The following DLG5 variants were observed in gnomAD, a reference collection of about 807,000 sequenced individuals.
The protein encoded by DLG5 is discs large MAGUK scaffold protein 5, also known as disks large homolog 5.
DLG5 carries 48 observed loss-of-function variants against 189.8 expected under a neutral mutation model. The ratio of observed to expected loss-of-function variants is 0.25; its 90% CI spans 0.20 to 0.32. DLG5 has a LOEUF of 0.32. Among genes scored for constraint, DLG5 ranks in the 10% least tolerant of loss-of-function variants. DLG5 has a pLI of 1.00. For missense variants in DLG5, 2,160 were observed against 2,544.7 expected (o/e 0.85, Z 3.25); for synonymous variants, 1,016 against 1,054.1 (o/e 0.96, Z 0.70).
chr10:77,878,302 C>T (rs1232316760), intron 1 of DLG5, among the ~76,000 whole-genome samples: 1 of 152,228 alleles, frequency 6.6e-6, no homozygotes, highest in African/African-American at 2.4e-5. Context: ...TGCATTTCCT[C>T]ATTTATAAAA....
intron 2 of DLG5, among the ~76,000 whole-genome samples, chr10:77,863,888 G>A (rs899079643): frequency 2.6e-5 from 4 of 152,172 alleles, no homozygotes; most frequent in Admixed American, 2.6e-4. Context: ...TTGTAAAGGA[G>A]GCAACAGGAA....
intron 5 of DLG5, among the ~76,000 whole-genome samples, chr10:77,847,996 G>C (rs1041761035): frequency 6.6e-6 from 1 of 152,144 alleles, no homozygotes; most frequent in African/African-American, 2.4e-5. Flanking sequence ...CGTGAGCCCT[G>C]AGCCTGGCCT....
At position 77,821,798 on chromosome 10, in the gene DLG5, G is replaced by A. The variant is rs917886583; in HGVS notation, c.2686C>T (p.Arg896Cys). 21 of 1,611,980 alleles carry A rather than the reference G, an allele frequency of 1.3e-5. No homozygotes were observed. Among genetic ancestry groups the A allele is most frequent in the African/African-American group, 4.0e-5 (3 of 74,902 alleles). Residue 896 changes from arginine (R) to cysteine (C), a missense_variant, in exon 15 of 32, where the codon CGC (arginine) becomes TGC (cysteine). By Grantham distance (180) the Arg-to-Cys change is radical. Transcript: ENST00000372391. ...CCACGGTCCCCAGAGGCATCTGAGCGGAAGGAGCTCAGGCTACGCTCAGAG... is the reference window on the plus strand; with the variant it reads ...CCACGGTCCCCAGAGGCATCTGAGCAGAAGGAGCTCAGGCTACGCTCAGAG... ...SASERSLSSF[R>C]SDASGDRGFG...
At chr10:77,843,028 G>GAAGACAC (rs1342139415) in intron 6 of DLG5, among the ~76,000 whole-genome samples, 1 of 152,202 alleles carries the variant, frequency 6.6e-6, no homozygotes, top group African/African-American at 2.4e-5. Flanking sequence ...AAAGATGACA[G>GAAGACAC]AAGACACATG....
intron 1 of DLG5, among the ~76,000 whole-genome samples, chr10:77,884,494 A>G (rs1845379122): frequency 6.6e-6 from 1 of 151,970 alleles, no homozygotes; most frequent in Non-Finnish European, 1.5e-5. Flanking sequence ...TCATCCCCGG[A>G]GCACATTGTT....
chr10:77,863,154 C>T (rs1183005806), intron 2 of DLG5, among the ~76,000 whole-genome samples: 1 of 152,098 alleles, frequency 6.6e-6, no homozygotes, highest in African/African-American at 2.4e-5. Flanking sequence ...TGCAGTGACA[C>T]AATCAAGGCT....
intron 1 of DLG5, among the ~76,000 whole-genome samples, chr10:77,904,405 G>C (rs188739023): frequency 6.6e-6 from 1 of 152,266 alleles, no homozygotes; most frequent in East Asian, 1.9e-4. Flanking sequence ...GGACTGTTGG[G>C]AGGGCATGAT....
chr10:77,819,863 C>A, intron 16 of DLG5, 32 bp downstream of exon 16: 1 of 1,525,624 alleles, frequency 6.6e-7, no homozygotes, highest in Non-Finnish European at 8.8e-7. Flanking sequence ...TTACACCGAC[C>A]CTCAGCCCCA....
chr10:77,850,720 T>A (rs1381536550), intron 5 of DLG5, among the ~76,000 whole-genome samples: 1 of 152,170 alleles, frequency 6.6e-6, no homozygotes, highest in Non-Finnish European at 1.5e-5. Flanking sequence ...TAGAATAATA[T>A]CATTAACGAC....
chr10:77,841,904 C>T lies in DLG5; in HGVS notation c.1414G>A (p.Glu472Lys). Residue 472 changes from glutamate to lysine, a missense_variant, in exon 7 of 32, where the codon GAG becomes AAG. Glu to Lys is a moderately conservative substitution (Grantham distance 56). Around this residue, in one of 5 missense-constraint regions of DLG5, gnomAD observed 664 missense variants for 838.5 expected, o/e 0.79. Coordinates refer to ENST00000372391, the MANE Select transcript of DLG5 (RefSeq NM_004747.4). ...SSTSEKKAAN[E>K]EMEALRQIKD... ...ACCTGCCGCAGCGCCTCCATCTCCT[C>T]ATTGGCCGCCTTCTTCTCAGATGTG... 1 of 1,610,462 alleles carries T rather than the reference C, an allele frequency of 6.2e-7. No individual in the cohort carries two copies. The highest frequency in any genetic ancestry group is 8.5e-7 in the Non-Finnish European group (1 of 1,177,198).
intron 5 of DLG5, among the ~76,000 whole-genome samples, chr10:77,851,390 C>T (rs1843968608): frequency 1.3e-5 from 2 of 152,336 alleles, no homozygotes; most frequent in African/African-American, 4.8e-5. Flanking sequence ...TCTACTCTCT[C>T]ATTTCATCCT....
chr10:77,806,724 G>GGCCCCCCCCCC, intron 26 of DLG5, 34 bp downstream of exon 26: 1 of 1,016,164 alleles, frequency 9.8e-7, no homozygotes, highest in Non-Finnish European at 1.5e-6. Context: ...GGCGACCCCT[G>GGCCCCCCCCCC]CCCCACCCCA....
chr10:77,861,040 T>C (rs1455054601), intron 2 of DLG5, among the ~76,000 whole-genome samples: 2 of 152,208 alleles, frequency 1.3e-5, no homozygotes, highest in African/African-American at 2.4e-5. Context: ...AACAGCATCA[T>C]TGCTTTGCAT....
chr10:77,828,520 G>A (rs1016556121), intron 13 of DLG5, among the ~76,000 whole-genome samples: 1 of 147,212 alleles, frequency 6.8e-6, no homozygotes, highest in African/African-American at 2.6e-5. Context: ...AGTTAATAGA[G>A]GTTATCTACA....
At position 77,817,069 on chromosome 10, in the gene DLG5, G is replaced by C; in HGVS notation, c.3812C>G (p.Ala1271Gly). The stretch of plus-strand genomic sequence containing the variant: ...TGTTGATGGGATTTTAATGCGTTCC[G>C]CCTTGAACTGCAAGTTACTCGAAGA... ...LGSSSNLQFK[A>G]ERIKIPSTPR... Residue 1271 changes from alanine (A) to glycine (G), a missense_variant, in exon 19 of 32, where the codon GCG becomes GGG. Physicochemically the swap from Ala to Gly is moderately conservative, Grantham distance 60. Transcript: ENST00000372391. The C allele has an allele frequency of 6.2e-7, 1 of 1,614,106 alleles. No homozygotes were observed. Among genetic ancestry groups the C allele is most frequent in the Non-Finnish European group, 8.5e-7 (1 of 1,180,026 alleles).
chr10:77,830,925 A>G (rs751521485), intron 9 of DLG5, 52 bp from the exon 10 acceptor site: 5 of 1,601,608 alleles, frequency 3.1e-6, no homozygotes, highest in African/African-American at 1.3e-5. Context: ...GAAACATCCC[A>G]CCGCGTAACG....
At position 77,813,978 on chromosome 10, in the gene DLG5, TTTTC is replaced by T. The variant is rs369121395; in HGVS notation, c.4026-1605_4026-1602del. Among the ~76,000 whole-genome samples, 658 of 152,272 alleles carry T rather than the reference TTTTC, an allele frequency of 4.3e-3. 4 individuals carry two copies. Among genetic ancestry groups the T allele is most frequent in the African/African-American group, 0.015 (634 of 41,548 alleles). ...TTGAGGGGATCTGAGCTAATCTTTT[TTTTC>T]TTTCTTTTTTTTTGGAGGCAGATTC... is the stretch of plus-strand genomic sequence containing the variant. On this transcript the variant is annotated intron_variant, in intron 20 of 31. Coordinates refer to ENST00000372391, the MANE Select transcript of DLG5 (RefSeq NM_004747.4).
chr10:77,896,483 T>A (rs1455127930), intron 1 of DLG5, among the ~76,000 whole-genome samples: 1 of 152,172 alleles, frequency 6.6e-6, no homozygotes, highest in African/African-American at 2.4e-5. Flanking sequence ...TGTCCACAAC[T>A]TTTTTCCAAA....
intron 3 of DLG5, among the ~76,000 whole-genome samples, chr10:77,856,321 T>C (rs561667133): frequency 2.0e-5 from 3 of 152,266 alleles, no homozygotes; most frequent in African/African-American, 7.2e-5. Context: ...CACTGCATTC[T>C]AGCCCAGGCA....
Sources: gnomAD v4.1 joint callset for allele counts (sites outside exome capture counted in the v4.1 genomes callset) on GRCh38, gnomAD v4.1.1 for gene constraint, gnomAD v4.1.1 regional missense constraint, MANE v1.5 for transcripts, NCBI Gene and HGNC (gene_info 2026-07-23, HGNC 2026-07-21) for gene names.